Variants in NWD2 observed in about 807,000 individuals in gnomAD.
The protein encoded by NWD2 is NACHT and WD repeat domain containing 2, also known as NACHT and WD repeat domain-containing protein 2.
In NWD2, 37 loss-of-function variants were observed where a neutral mutation model predicts 132.7. The ratio of observed to expected loss-of-function variants is 0.28; its 90% confidence interval spans 0.21 to 0.37. The LOEUF (loss-of-function observed/expected upper bound fraction) is 0.37. Among genes scored for constraint, NWD2 ranks in the 10% least tolerant of loss-of-function variants. The probability of loss-of-function intolerance (pLI) is 1.00; values close to 1 mark genes in which losing one functional copy is unlikely to be tolerated. For missense variants in NWD2, 1,592 were observed against 2,122.4 expected (o/e 0.75, Z 4.91); for synonymous variants, 705 against 803.0 (o/e 0.88, Z 2.06).
intron 1 of NWD2, among the ~76,000 whole-genome samples, chr4:37,303,765 TTA>T (rs1387182784): frequency 1.3e-5 from 2 of 152,206 alleles, no homozygotes; most frequent in Non-Finnish European, 2.9e-5. Flanking sequence ...CTACTGATTT[TTA>T]TATGTTGATT....
At chr4:37,401,043 C>G (rs962178517) in intron 3 of NWD2, among the ~76,000 whole-genome samples, 3 of 152,254 alleles carry the variant, frequency 2.0e-5, no homozygotes, top group East Asian at 3.9e-4. Context: ...GATCATAACA[C>G]TTGTGTTTAA....
Position 37,446,997 on chromosome 4 carries a change from C to T in NWD2, c.5009C>T (p.Thr1670Ile). Residue 1670 changes from threonine (T) to isoleucine (I), a missense_variant, in exon 7 of 7, where the codon ACA (threonine) becomes ATA (isoleucine). By Grantham distance (89) the Thr-to-Ile change is moderately conservative (BLOSUM62 -1). This residue lies in a region of NWD2 where 257 missense variants were observed against 335.0 expected (regional missense o/e 0.77). Transcript: ENST00000309447. This position sits in a 1 kb window ranked among gnomAD's most constrained non-coding sequence, Gnocchi z 6.7. ...SNSRQIFNNATHTSRPKCNSY... is the reference protein window; with the variant it reads ...SNSRQIFNNAIHTSRPKCNSY... The stretch of plus-strand genomic sequence containing the variant: ...AGCAGACAAATTTTCAACAATGCAA[C>T]ACACACCTCCAGGCCAAAGTGTAAC... The T allele has an allele frequency of 6.4e-7, 1 of 1,551,676 alleles. No homozygotes were observed. Among genetic ancestry groups the T allele is most frequent in the South Asian group, 1.2e-5 (1 of 84,064 alleles).
intron 3 of NWD2, among the ~76,000 whole-genome samples, chr4:37,404,257 G>C: frequency 6.6e-6 from 1 of 152,192 alleles, no homozygotes; most frequent in Non-Finnish European, 1.5e-5. Context: ...GAAGTACTCA[G>C]TAAGTGATAT....
chr4:37,311,424 A>C (rs1483189732), intron 1 of NWD2, among the ~76,000 whole-genome samples: 2 of 151,542 alleles, frequency 1.3e-5, no homozygotes, highest in Non-Finnish European at 2.9e-5. Context: ...TGGCTGCATA[A>C]ATGTCTTCTT....
Position 37,432,364 on chromosome 4 carries a change from GAAAAAAA to G in NWD2, c.562-1500_562-1494del, listed in dbSNP as rs71185140. On this transcript the variant is annotated intron_variant, in intron 4 of 6. Coordinates refer to ENST00000309447, the MANE Select transcript of NWD2 (RefSeq NM_001144990.2). ...GAATAATACATGTGAGGGTGAAGAA[GAAAAAAA>G]AAAAAAAAAAATCAAGAAAATTGAT... 8.3e-3 allele frequency among the ~76,000 whole-genome samples: 1,149 copies of G among 138,622 alleles called. 16 individuals carry two copies. Among genetic ancestry groups the G allele is most frequent in the African/African-American group, 0.029 (1,095 of 38,034 alleles). The allele number at this position is 138,622 out of a possible 152,430, so 90.9% of individuals were successfully genotyped here. A position where few individuals can be genotyped will look rare whatever the true frequency, so the allele number is the denominator to read the frequency against.
At position 37,430,680 on chromosome 4, in the gene NWD2, T is replaced by C; in HGVS notation, c.466T>C (p.Leu156=). 6.4e-7 allele frequency: 1 copy of C among 1,551,564 alleles called. No homozygotes were observed. Among genetic ancestry groups the C allele is most frequent in the Non-Finnish European group, 8.7e-7 (1 of 1,146,846 alleles). The change falls in exon 4 of 7, where the codon TTG becomes CTG. Residue 156 remains leucine (L), a synonymous_variant. Transcript: ENST00000309447. The stretch of plus-strand genomic sequence containing the variant: ...CATAGAGGCAAAGCTGGAGACCAAG[T>C]TGCTGGAGGAGTGGTACTGTCGAGA... ...AAIEAKLETK[L]LEEWYCRDEN... is the part of the protein sequence containing the mutation.
chr4:37,442,640 T>A (rs1161359656), intron 6 of NWD2, among the ~76,000 whole-genome samples: 1 of 152,176 alleles, frequency 6.6e-6, no homozygotes, highest in Non-Finnish European at 1.5e-5. Flanking sequence ...CAAAGCTCTT[T>A]TAACCACCAT....
intron 3 of NWD2, among the ~76,000 whole-genome samples, chr4:37,404,673 T>C (rs1374088116): frequency 6.6e-6 from 1 of 152,196 alleles, no homozygotes; most frequent in Non-Finnish European, 1.5e-5. Flanking sequence ...GGATAATTTA[T>C]GAAGAAAAGA....
At chr4:37,338,559 G>A (rs193141082) in intron 2 of NWD2, among the ~76,000 whole-genome samples, 2 of 152,188 alleles carry the variant, frequency 1.3e-5, no homozygotes, top group Non-Finnish European at 2.9e-5. Context: ...ACGAAGAATT[G>A]GGCACGAATC....
chr4:37,290,552 A>G (rs937264053), intron 1 of NWD2, among the ~76,000 whole-genome samples: 3 of 152,220 alleles, frequency 2.0e-5, no homozygotes, highest in Non-Finnish European at 2.9e-5. Flanking sequence ...CTTCCAAGAG[A>G]AACTGCCTTT....
chr4:37,398,770 T>C (rs888911719), intron 3 of NWD2, among the ~76,000 whole-genome samples: 7 of 152,242 alleles, frequency 4.6e-5, no homozygotes, highest in African/African-American at 1.7e-4. Context: ...CCAAAAAGAA[T>C]TTAACAGAAA....
intron 3 of NWD2, among the ~76,000 whole-genome samples, chr4:37,414,148 T>G (rs1160516753): frequency 1.3e-5 from 2 of 152,162 alleles, no homozygotes; most frequent in Non-Finnish European, 2.9e-5. Flanking sequence ...GAAATTATCC[T>G]TAATTCTACT....
chr4:37,407,013 T>C (rs1721056387), intron 3 of NWD2, among the ~76,000 whole-genome samples: 1 of 151,892 alleles, frequency 6.6e-6, no homozygotes, highest in African/African-American at 2.4e-5. Context: ...ATGTTCTCAT[T>C]CATAAGTTGG....
chr4:37,356,569 A>T, intron 3 of NWD2, 87 bp downstream of exon 3: 2 of 869,154 alleles, frequency 2.3e-6, no homozygotes. Context: ...GGGGTTTTTT[A>T]AATGAGGGGG....
intron 1 of NWD2, among the ~76,000 whole-genome samples, chr4:37,267,048 A>AG (rs1414656428): frequency 1.3e-5 from 2 of 151,988 alleles, no homozygotes; most frequent in African/African-American, 4.8e-5. Flanking sequence ...ACGTAGAAAA[A>AG]GGACATATAG....
chr4:37,333,642 C>T (rs998713244), intron 2 of NWD2, among the ~76,000 whole-genome samples: 5 of 152,198 alleles, frequency 3.3e-5, no homozygotes, highest in African/African-American at 4.8e-5. Context: ...GTGAAGACTA[C>T]GATAAATACC....
chr4:37,438,973 A>T lies in NWD2; in HGVS notation c.879A>T (p.Glu293Asp). The change falls in exon 6 of 7, where the codon GAA (glutamate) becomes GAT (aspartate). Residue 293 changes from glutamate to aspartate, a missense_variant. By Grantham distance (45) the Glu-to-Asp change is conservative (BLOSUM62 2). Around this residue, in one of 7 missense-constraint regions of NWD2, gnomAD observed 1,071 missense variants for 1,398.0 expected, o/e 0.77. Transcript: ENST00000309447. ...GTEPRIIRDP[E>D]AQEKLIKLRD... is the part of the protein sequence containing the mutation. ...AACCGAGGATTATTCGGGACCCAGA[A>T]GCCCAAGAGAAGCTGATAAAACTCA... 6.4e-7 allele frequency: 1 copy of T among 1,552,022 alleles called. No individual in the cohort carries two copies. Among genetic ancestry groups the T allele is most frequent in the Non-Finnish European group, 8.7e-7 (1 of 1,147,048 alleles).
At chr4:37,366,465 G>T (rs1720100805) in intron 3 of NWD2, among the ~76,000 whole-genome samples, 1 of 152,026 alleles carries the variant, frequency 6.6e-6, no homozygotes, top group Non-Finnish European at 1.5e-5. Flanking sequence ...AAGGAATCAA[G>T]AAACTATGAC....
chr4:37,356,729 GACA>G (rs1719878148), intron 3 of NWD2, among the ~76,000 whole-genome samples: 1 of 152,184 alleles, frequency 6.6e-6, no homozygotes, highest in African/African-American at 2.4e-5. Context: ...ACTTGGGTTT[GACA>G]ACAATTTCTA....
Sources: allele counts gnomAD v4.1 joint callset (sites outside exome capture counted in the v4.1 genomes callset), GRCh38; gene constraint gnomAD v4.1.1; regional missense constraint gnomAD v4.1.1; non-coding constraint Gnocchi (gnomAD v3.1); transcripts MANE v1.5; gene names NCBI Gene and HGNC (gene_info 2026-07-23, HGNC 2026-07-21).